DLG2: variants seen among roughly 807,000 people sequenced by gnomAD.
DLG2 encodes the protein discs large MAGUK scaffold protein 2.
In DLG2, 45 loss-of-function variants were observed where a neutral mutation model predicts 132.5. The ratio of observed to expected loss-of-function variants is 0.34; its 90% CI spans 0.27 to 0.44. The LOEUF (loss-of-function observed/expected upper bound fraction) is 0.44. Ranked by LOEUF, DLG2 falls within the 20% of genes least tolerant of loss-of-function variation. DLG2 has a pLI of 1.00. For synonymous variants in DLG2, 424 were observed against 419.6 expected, an observed-to-expected ratio of 1.01 and a Z score of -0.13; for missense variants, 1,045 against 1,196.9, an observed-to-expected ratio of 0.87 and a Z score of 1.87.
chr11:85,437,533 A>G (rs773668625), intron 3 of DLG2, among the ~76,000 whole-genome samples: 2 of 152,154 alleles, frequency 1.3e-5, no homozygotes, highest in Non-Finnish European at 1.5e-5. Context: ...GAGAGACAAG[A>G]TAGTGCTCTT....
chr11:83,926,313 A>G (rs1055304807), intron 15 of DLG2, among the ~76,000 whole-genome samples: 1 of 152,162 alleles, frequency 6.6e-6, no homozygotes, highest in Non-Finnish European at 1.5e-5. Flanking sequence ...AAATGTAAGG[A>G]TGGTTTCACA....
At chr11:84,984,159 C>T (rs1163725858) in intron 6 of DLG2, among the ~76,000 whole-genome samples, 1 of 152,166 alleles carries the variant, frequency 6.6e-6, no homozygotes, top group African/African-American at 2.4e-5. Context: ...GCTCAAAGAA[C>T]ACCTGGGATA....
intron 6 of DLG2, among the ~76,000 whole-genome samples, chr11:84,714,541 CTT>C (rs1565747809): frequency 8.5e-5 from 9 of 106,418 alleles, no homozygotes; most frequent in African/African-American, 2.2e-4. Context: ...TTCTCTTTCT[CTT>C]TCTCTTTCTC....
At position 84,731,493 on chromosome 11, in the gene DLG2, TTGAGA is replaced by T. The variant is rs1455784022; in HGVS notation, c.358-196767_358-196763del. On this transcript the variant is annotated intron_variant, in intron 6 of 27. Transcript: ENST00000376104. ...CATAATTAGGAGAGTGATAAGTGAG[TTGAGA>T]TAAGAAAAATAAGTGGGAATTAACT... Among the ~76,000 whole-genome samples, 16 of 151,260 alleles carry T rather than the reference TTGAGA, an allele frequency of 1.1e-4. No homozygotes were observed. The East Asian group carries it at 2.0e-3, about 18-fold the overall frequency.
chr11:84,699,757 T>C (rs948749488), intron 6 of DLG2, among the ~76,000 whole-genome samples: 10 of 151,568 alleles, frequency 6.6e-5, no homozygotes, highest in Non-Finnish European at 1.2e-4. Flanking sequence ...TCTAAAGGAC[T>C]CTTTTCTACC....
chr11:83,496,588 T>A (rs750355104), intron 21 of DLG2, among the ~76,000 whole-genome samples: 1 of 152,122 alleles, frequency 6.6e-6, no homozygotes, highest in Non-Finnish European at 1.5e-5. Flanking sequence ...GGTATATTCA[T>A]ACAGTGAAAT....
At chr11:84,610,690 G>T (rs1321160252) in intron 6 of DLG2, among the ~76,000 whole-genome samples, 3 of 152,018 alleles carry the variant, frequency 2.0e-5, no homozygotes, top group African/African-American at 7.2e-5. Context: ...TCCTTCCCTG[G>T]CCTTGCCAAT....
intron 20 of DLG2, among the ~76,000 whole-genome samples, chr11:83,536,153 C>A (rs1482453045): frequency 1.3e-5 from 2 of 152,126 alleles, no homozygotes; most frequent in African/African-American, 4.8e-5. Context: ...CCCTTGCATC[C>A]CCATCTCCCT....
chr11:84,370,947 A>G (rs1322243062), intron 7 of DLG2, among the ~76,000 whole-genome samples: 31 of 152,076 alleles, frequency 2.0e-4, no homozygotes, highest in Admixed American at 1.8e-3. Context: ...ATCAAAGGTT[A>G]TATGTTGGAG....
chr11:84,070,033 G>T (rs752600994), intron 10 of DLG2, among the ~76,000 whole-genome samples: 33 of 152,168 alleles, frequency 2.2e-4, no homozygotes, highest in Non-Finnish European at 3.8e-4. Context: ...AGGCTAATTA[G>T]CCCCTCTCCA....
chr11:85,117,489 A>T (rs2073775756), intron 5 of DLG2, among the ~76,000 whole-genome samples: 1 of 151,964 alleles, frequency 6.6e-6, no homozygotes. Flanking sequence ...ATTATATGTC[A>T]GGTTCGGAAG....
At chr11:85,494,453 T>A (rs1370035111) in intron 3 of DLG2, among the ~76,000 whole-genome samples, 1 of 152,152 alleles carries the variant, frequency 6.6e-6, no homozygotes, top group Non-Finnish European at 1.5e-5. Context: ...ACTATCTTTA[T>A]TTCATCAATT....
intron 17 of DLG2, among the ~76,000 whole-genome samples, chr11:83,816,312 A>G (rs1168780445): frequency 1.3e-5 from 2 of 152,166 alleles, no homozygotes; most frequent in African/African-American, 4.8e-5. Flanking sequence ...AGCTGTTGCC[A>G]TATGTCTCCA....
intron 6 of DLG2, among the ~76,000 whole-genome samples, chr11:84,883,023 A>C (rs890392321): frequency 6.6e-6 from 1 of 152,144 alleles, no homozygotes; most frequent in Admixed American, 6.6e-5. Context: ...TGTTTACTGC[A>C]GCACTATTCA....
chr11:84,284,068 T>C (rs1163249478), intron 7 of DLG2, among the ~76,000 whole-genome samples: 1 of 152,112 alleles, frequency 6.6e-6, no homozygotes, highest in Non-Finnish European at 1.5e-5. Flanking sequence ...ACCTGGTCTC[T>C]ACTAAAAATA....
In DLG2 at chr11:85,611,186, C is replaced by T. The variant is rs150070581; in HGVS notation, c.-92-12398G>A. On this transcript the variant is annotated intron_variant, in intron 2 of 27. Coordinates refer to ENST00000376104, the MANE Select transcript of DLG2 (RefSeq NM_001142699.3). The stretch of plus-strand genomic sequence containing the variant: ...AATTGATGTAGTAGCAAAAGGCTGG[C>T]CTCACTGTTTAAGGGTAGTTGTGGC... Among the ~76,000 whole-genome samples the T allele has an allele frequency of 7.5e-3, 1,149 of 152,252 alleles. 11 individuals are homozygous for T. The highest frequency in any genetic ancestry group is 0.012 in the Admixed American group (176 of 15,286).
chr11:84,392,449 T>C (rs1328787256), intron 7 of DLG2, among the ~76,000 whole-genome samples: 1 of 152,190 alleles, frequency 6.6e-6, no homozygotes, highest in East Asian at 1.9e-4. Context: ...GCCAATGGTC[T>C]TAGAGGTGTA....
At chr11:83,875,263 G>C (rs914156350) in intron 15 of DLG2, among the ~76,000 whole-genome samples, 3 of 152,060 alleles carry the variant, frequency 2.0e-5, no homozygotes, top group African/African-American at 7.2e-5. Context: ...TTGTAGATAA[G>C]TAATATAAAT....
chr11:84,328,203 A>G (rs2098442150), intron 7 of DLG2, among the ~76,000 whole-genome samples: 2 of 152,024 alleles, frequency 1.3e-5, no homozygotes, highest in Admixed American at 1.3e-4. Flanking sequence ...GGTAAAAATA[A>G]CATTATGGTA....
Sources: gnomAD v4.1 joint callset for allele counts (sites outside exome capture counted in the v4.1 genomes callset) on GRCh38, gnomAD v4.1.1 for gene constraint, MANE v1.5 for transcripts, NCBI Gene and HGNC (gene_info 2026-07-23, HGNC 2026-07-21) for gene names.